SEMA3A: variants seen among roughly 807,000 people sequenced by gnomAD.
SEMA3A encodes the protein semaphorin-3A.
A neutral mutation model predicts 97.9 loss-of-function variants in SEMA3A; 29 were observed. The observed-to-expected ratio is 0.30, with a 90% CI of 0.22 to 0.40. The LOEUF (loss-of-function observed/expected upper bound fraction) is 0.40, where lower values mean the gene tolerates loss of function less well. SEMA3A is among the 10% of genes least tolerant of loss of function. The pLI is 1.00. For synonymous variants in SEMA3A, 321 were observed against 323.7 expected, an observed-to-expected ratio of 0.99 and a Z score of 0.09; for missense variants, 763 against 951.3, an observed-to-expected ratio of 0.80 and a Z score of 2.60.
At chr7:84,059,485 TAAG>T (rs1226365325) in intron 5 of SEMA3A, among the ~76,000 whole-genome samples, 1 of 152,050 alleles carries the variant, frequency 6.6e-6, no homozygotes, top group Non-Finnish European at 1.5e-5. Flanking sequence ...GAAAAAATTA[TAAG>T]AAGAGAAACA....
intron 2 of SEMA3A, among the ~76,000 whole-genome samples, chr7:84,357,124 T>TTA (rs956045288): frequency 1.0e-4 from 15 of 150,632 alleles, no homozygotes; most frequent in East Asian, 1.9e-4. Context: ...ATTTTTTCTT[T>TTA]TATATATATA....
intron 5 of SEMA3A, among the ~76,000 whole-genome samples, chr7:84,051,384 C>T (rs965252840): frequency 1.3e-5 from 2 of 152,082 alleles, no homozygotes; most frequent in African/African-American, 4.8e-5. Flanking sequence ...CTTTTATTTC[C>T]TTGAGCAGTG....
intron 1 of SEMA3A, among the ~76,000 whole-genome samples, chr7:84,407,736 G>A (rs1197173766): frequency 6.6e-6 from 1 of 152,038 alleles, no homozygotes; most frequent in Admixed American, 6.6e-5. Flanking sequence ...CAGAAATAAT[G>A]CCACATATCT....
At chr7:84,102,538 C>A (rs972115277) in intron 4 of SEMA3A, among the ~76,000 whole-genome samples, 5 of 146,484 alleles carry the variant, frequency 3.4e-5, no homozygotes, top group African/African-American at 1.3e-4. Flanking sequence ...AAAATTAGGG[C>A]AAGGAGAGTA....
At chr7:84,016,409 G>C (rs552935396) in intron 6 of SEMA3A, among the ~76,000 whole-genome samples, 91 of 152,072 alleles carry the variant, frequency 6.0e-4, no homozygotes, top group Admixed American at 2.2e-3. Flanking sequence ...GTGGTGGCGG[G>C]CTCCTGTAGT....
chr7:84,416,165 T>C (rs1804427835), intron 1 of SEMA3A, among the ~76,000 whole-genome samples: 1 of 152,148 alleles, frequency 6.6e-6, no homozygotes, highest in Admixed American at 6.6e-5. Context: ...AATTCCCATG[T>C]GTTGTCAGAG....
At chr7:84,374,290 AG>A (rs1803046987) in intron 1 of SEMA3A, among the ~76,000 whole-genome samples, 1 of 152,264 alleles carries the variant, frequency 6.6e-6, no homozygotes, top group Non-Finnish European at 1.5e-5. Flanking sequence ...ATGTGTGCAA[AG>A]ATATTTATAC....
chr7:84,259,853 G>A (rs1799806875), intron 3 of SEMA3A, among the ~76,000 whole-genome samples: 1 of 151,084 alleles, frequency 6.6e-6, no homozygotes, highest in Non-Finnish European at 1.5e-5. Context: ...AAAAGAGCAA[G>A]CAAGTAGAGA....
At chr7:84,162,905 T>C (rs1311965727) in intron 1 of SEMA3A, among the ~76,000 whole-genome samples, 1 of 152,166 alleles carries the variant, frequency 6.6e-6, no homozygotes, top group African/African-American at 2.4e-5. Context: ...TTTCATGAAA[T>C]AGACTCTAGA....
intron 3 of SEMA3A, among the ~76,000 whole-genome samples, chr7:84,120,737 G>A (rs6977306): frequency 0.72 from 110,250 of 152,076 alleles, 40,434 homozygotes; most frequent in East Asian, 0.91. Flanking sequence ...ACATAAAATT[G>A]TAATCGATAT....
At chr7:84,482,861 C>T (rs1174907344) in intron 1 of SEMA3A, among the ~76,000 whole-genome samples, 4 of 126,120 alleles carry the variant, frequency 3.2e-5, no homozygotes, top group Admixed American at 8.7e-5. Flanking sequence ...ACTCAAAATT[C>T]TAGTTTTTTT....
At chr7:84,067,719 T>G (rs944572786) in intron 4 of SEMA3A, among the ~76,000 whole-genome samples, 1 of 151,868 alleles carries the variant, frequency 6.6e-6, no homozygotes, top group African/African-American at 2.4e-5. Context: ...AAAACCACAA[T>G]AAGATACCAT....
intron 5 of SEMA3A, among the ~76,000 whole-genome samples, chr7:84,051,217 T>C (rs1348378078): frequency 6.6e-6 from 1 of 151,298 alleles, no homozygotes; most frequent in Admixed American, 6.6e-5. Flanking sequence ...CCATATGAAC[T>C]TTAAAGTAGT....
At chr7:84,312,129 A>G (rs1259567855) in intron 2 of SEMA3A, among the ~76,000 whole-genome samples, 2 of 151,988 alleles carry the variant, frequency 1.3e-5, no homozygotes, top group Admixed American at 1.3e-4. Flanking sequence ...TTAAGTAAGC[A>G]ACTTCCAAAC....
intron 5 of SEMA3A, among the ~76,000 whole-genome samples, chr7:84,049,380 T>A (rs537622916): frequency 5.3e-5 from 8 of 152,186 alleles, no homozygotes; most frequent in African/African-American, 1.7e-4. Context: ...GGGAGTCTTA[T>A]CAATGATGAT....
At chr7:83,987,735 T>C (rs995294620) in intron 12 of SEMA3A, among the ~76,000 whole-genome samples, 2 of 152,212 alleles carry the variant, frequency 1.3e-5, no homozygotes, top group Non-Finnish European at 2.9e-5. Flanking sequence ...CACTATACTG[T>C]CTTTCTTCCA....
chr7:84,190,129 T>C (rs2116264109), intron 1 of SEMA3A, among the ~76,000 whole-genome samples: 1 of 151,874 alleles, frequency 6.6e-6, no homozygotes, highest in African/African-American at 2.4e-5. Flanking sequence ...TCTCAGTTAT[T>C]TTCTTGATTG....
intron 3 of SEMA3A, among the ~76,000 whole-genome samples, chr7:84,291,939 G>A (rs972178899): frequency 6.6e-6 from 1 of 152,130 alleles, no homozygotes; most frequent in African/African-American, 2.4e-5. Context: ...AGTGTGCCCA[G>A]TGCATAATGG....
chr7:84,440,454 C>T (rs1805244268), intron 1 of SEMA3A, among the ~76,000 whole-genome samples: 2 of 152,088 alleles, frequency 1.3e-5, no homozygotes, highest in East Asian at 3.9e-4. Context: ...TTCTTCTGAT[C>T]ATAGAGGTAC....
Sources: allele counts gnomAD v4.1 joint callset (sites outside exome capture counted in the v4.1 genomes callset), GRCh38; gene constraint gnomAD v4.1.1; transcripts MANE v1.5; gene names NCBI Gene and HGNC (gene_info 2026-07-23, HGNC 2026-07-21).